RASSF3: variants seen among roughly 807,000 people sequenced by gnomAD.
The protein encoded by RASSF3 is ras association domain-containing protein 3.
In RASSF3, 19 loss-of-function variants were observed where a neutral mutation model predicts 19.9. That is an observed-to-expected ratio of 0.96 (90% CI 0.67 to 1.40). RASSF3 has a LOEUF of 1.40. Among genes scored for constraint, RASSF3 ranks in the 40% most tolerant of loss-of-function variants. The probability of loss-of-function intolerance (pLI) is 0.00; values close to 1 mark genes in which losing one functional copy is unlikely to be tolerated. For missense variants in RASSF3, 306 were observed against 289.8 expected, an observed-to-expected ratio of 1.06 and a Z score of -0.41; for synonymous variants, 110 against 104.2, an observed-to-expected ratio of 1.06 and a Z score of -0.34.
rs1277119864 is a variant in RASSF3 at position 64,691,332 on chromosome 12, A to G, written c.458-138A>G. 6.2e-6 allele frequency: 4 copies of G among 645,554 alleles called. No individual in the cohort carries two copies. The African/African-American group carries it at 7.2e-5, about 12-fold the overall frequency. The allele number at this position is 645,554 out of a possible 1,614,324, so 40.0% of individuals were successfully genotyped here. A position where few individuals can be genotyped will look rare whatever the true frequency, so the allele number is the denominator to read the frequency against. Reference sequence around the variant, plus strand: ...CACTGTGGGCTACTGGTATTAAATAATAAGATGAGCCGACTGGCGACTTAG... The same window carrying G: ...CACTGTGGGCTACTGGTATTAAATAGTAAGATGAGCCGACTGGCGACTTAG... On this transcript the variant is annotated intron_variant, in intron 3 of 4. Coordinates refer to ENST00000542104, the MANE Select transcript of RASSF3 (RefSeq NM_178169.4).
chr12:64,539,847 C>A (rs11175436), intron 1 of RASSF3, among the ~76,000 whole-genome samples: 1 of 151,948 alleles, frequency 6.6e-6, no homozygotes, highest in African/African-American at 2.4e-5. Context: ...CACAATATTC[C>A]ATCATACAGA....
intron 2 of RASSF3, among the ~76,000 whole-genome samples, chr12:64,572,082 G>T (rs915034910): frequency 5.9e-5 from 9 of 152,102 alleles, no homozygotes; most frequent in East Asian, 3.9e-4. Flanking sequence ...TTGCCTTCAT[G>T]GCACTGATCA....
At chr12:64,687,144 C>T (rs191715612) in intron 2 of RASSF3, among the ~76,000 whole-genome samples, 3 of 152,072 alleles carry the variant, frequency 2.0e-5, no homozygotes, top group Admixed American at 2.0e-4. Context: ...TAGGCACCTG[C>T]CACCACACCC....
chr12:64,620,714 A>G (rs750870701), intron 1 of RASSF3, among the ~76,000 whole-genome samples: 1 of 152,092 alleles, frequency 6.6e-6, no homozygotes, highest in African/African-American at 2.4e-5. Flanking sequence ...AACCTTTTCC[A>G]TTATGGATTA....
chr12:64,660,516 T>C (rs544144978), intron 1 of RASSF3, among the ~76,000 whole-genome samples: 2 of 152,292 alleles, frequency 1.3e-5, no homozygotes, highest in Admixed American at 6.5e-5. Context: ...AATACAACTT[T>C]GTGTTTCATA....
At chr12:64,525,384 G>T (rs1409362377) in intron 1 of RASSF3, among the ~76,000 whole-genome samples, 4 of 152,222 alleles carry the variant, frequency 2.6e-5, no homozygotes, top group African/African-American at 7.2e-5. Context: ...TTTCAAGATT[G>T]TGGGTCTGAG....
At chr12:64,567,600 T>C (rs1272644505) in intron 2 of RASSF3, among the ~76,000 whole-genome samples, 1 of 152,226 alleles carries the variant, frequency 6.6e-6, no homozygotes, top group Non-Finnish European at 1.5e-5. Context: ...AGCCTGGCCC[T>C]GAGTGACGGC....
chr12:64,623,451 G>A (rs1870865886), intron 1 of RASSF3, among the ~76,000 whole-genome samples: 1 of 152,114 alleles, frequency 6.6e-6, no homozygotes, highest in South Asian at 2.1e-4. Context: ...TAAATTTAGG[G>A]GTACTTGACT....
chr12:64,569,369 C>A (rs1262524761), intron 2 of RASSF3, among the ~76,000 whole-genome samples: 1 of 152,232 alleles, frequency 6.6e-6, no homozygotes, highest in Admixed American at 6.5e-5. Flanking sequence ...TGGTAGAGGG[C>A]AGGCTGGATT....
intron 1 of RASSF3, among the ~76,000 whole-genome samples, chr12:64,655,686 CA>C (rs1402208142): frequency 2.6e-5 from 4 of 151,348 alleles, no homozygotes; most frequent in East Asian, 1.9e-4. Context: ...CCAAAACAAA[CA>C]AAAAAAATGC....
downstream of RASSF3, among the ~76,000 whole-genome samples, chr12:64,546,428 G>A (rs1869064585): frequency 6.6e-6 from 1 of 151,946 alleles, no homozygotes; most frequent in Admixed American, 6.6e-5. Flanking sequence ...CTGCCACCAC[G>A]CCCAGCTAGT....
At chr12:64,634,249 T>C (rs889817607) in intron 1 of RASSF3, among the ~76,000 whole-genome samples, 1 of 152,174 alleles carries the variant, frequency 6.6e-6, no homozygotes, top group African/African-American at 2.4e-5. Flanking sequence ...GTTAACCTTT[T>C]TCTTGCAAAT....
At chr12:64,552,081 G>C (rs1869173945) in intron 2 of RASSF3, among the ~76,000 whole-genome samples, 1 of 152,132 alleles carries the variant, frequency 6.6e-6, no homozygotes, top group Non-Finnish European at 1.5e-5. Flanking sequence ...CTTAGAGTTA[G>C]TTTTATTTAA....
At chr12:64,648,454 C>T (rs1415330025) in intron 1 of RASSF3, among the ~76,000 whole-genome samples, 5 of 151,756 alleles carry the variant, frequency 3.3e-5, no homozygotes, top group African/African-American at 4.8e-5. Context: ...CAGAGGCTCC[C>T]GGCTAGAGCT....
rs973630813 is a variant in RASSF3, at chr12:64,696,908, A to G, written c.*1996A>G. ...CTTCGTGATTTTTTGTACTGGTTTT[A>G]TTATTCAGACTATGGCCTGGATTTG... On this transcript the variant is annotated 3_prime_UTR_variant, in exon 5 of 5. Transcript: ENST00000542104. 6.6e-6 allele frequency: 1 copy of G among 151,926 alleles called. No homozygotes were observed. The highest frequency in any genetic ancestry group is 1.5e-5 in the Non-Finnish European group (1 of 68,000). 9.4% of individuals were successfully genotyped at this position (151,926 alleles called of 1,614,324 possible).
intron 1 of RASSF3, among the ~76,000 whole-genome samples, chr12:64,638,744 T>G (rs11175485): frequency 0.14 from 21,563 of 152,060 alleles, 2,222 homozygotes; most frequent in African/African-American, 0.29. Flanking sequence ...CCATCTACTT[T>G]ATACTTTTAT....
rs368951974 is a variant in RASSF3, at chr12:64,654,883, A to G, written c.112-29904A>G. 1.7e-4 allele frequency: 26 copies of G among 152,274 alleles called. 4 individuals are homozygous for G. The highest frequency in any genetic ancestry group is 9.8e-4 in the Admixed American group (15 of 15,284). The allele number at this position is 152,274 out of a possible 1,614,324, so 9.4% of individuals were successfully genotyped here. On this transcript the variant is annotated intron_variant, in intron 1 of 4. Transcript: ENST00000542104. ...TCTGTCAAAATAAAATAAATAAAAT[A>G]AAATACAATGTAAAATAAAATAAAA...
rs1000907025 is a variant in RASSF3 at position 64,610,776 on chromosome 12, G to C, written c.111+33G>C. ...GCGCGCGGCGGGCGCTGCAGCCCGC[G>C]CCCCAGAGTTCCGGGGAACCCGCCA... is the stretch of plus-strand genomic sequence containing the variant. On this transcript the variant is annotated intron_variant, in intron 1 of 4. Transcript: ENST00000542104. 1.2e-5 allele frequency: 17 copies of C among 1,460,114 alleles called. No individual in the cohort carries two copies. The African/African-American group carries it at 2.3e-4, about 20-fold the overall frequency. The allele number at this position is 1,460,114 out of a possible 1,614,324, so 90.4% of individuals were successfully genotyped here.
At chr12:64,527,371 T>C (rs1868610379) in intron 1 of RASSF3, among the ~76,000 whole-genome samples, 1 of 152,188 alleles carries the variant, frequency 6.6e-6, no homozygotes, top group South Asian at 2.1e-4. Context: ...ACCTATTCCT[T>C]GGGGATGTTT....
Sources: allele counts gnomAD v4.1 joint callset (sites outside exome capture counted in the v4.1 genomes callset), GRCh38; gene constraint gnomAD v4.1.1; transcripts MANE v1.5; gene names NCBI Gene and HGNC (gene_info 2026-07-23, HGNC 2026-07-21).